Variants in DNAH14 observed in about 807,000 individuals in gnomAD.
DNAH14 encodes the protein dynein axonemal heavy chain 14.
Under a neutral mutation model 520.9 loss-of-function variants are expected in DNAH14, and 478 were observed. The ratio of observed to expected loss-of-function variants is 0.92; its 90% CI spans 0.85 to 0.99. DNAH14 has a LOEUF of 0.99. Among genes scored for constraint, DNAH14 ranks in the 50% least tolerant of loss-of-function variants. The pLI, the probability that DNAH14 is intolerant of heterozygous loss-of-function variation, is 0.00. For synonymous variants in DNAH14, 1,581 were observed against 1,757.2 expected, an observed-to-expected ratio of 0.90 and a Z score of 2.51; for missense variants, 4,831 against 5,234.5, an observed-to-expected ratio of 0.92 and a Z score of 2.38.
Position 225,117,920 on chromosome 1 carries a change from T to C in DNAH14, c.4012T>C (p.Leu1338=). 6.4e-7 allele frequency: 1 copy of C among 1,551,224 alleles called. No individual in the cohort carries two copies. The highest frequency in any genetic ancestry group is 2.4e-5 in the East Asian group (1 of 40,886). Residue 1338 remains leucine, a synonymous_variant, in exon 25 of 86, where the codon TTG becomes CTG. Coordinates refer to ENST00000682510, the MANE Select transcript of DNAH14 (RefSeq NM_001367479.1). Reference sequence around the variant, plus strand: ...ATGCTTTGAAAATATAAAACAATTATTGATATGGAAACAAGACATTGGCCC... The same window carrying C: ...ATGCTTTGAAAATATAAAACAATTACTGATATGGAAACAAGACATTGGCCC... ...VKCFENIKQL[L]IWKQDIGPPA... is the part of the protein sequence containing the mutation.
chr1:225,364,333 A>T (rs1007910314), intron 75 of DNAH14, among the ~76,000 whole-genome samples: 1 of 152,096 alleles, frequency 6.6e-6, no homozygotes, highest in Non-Finnish European at 1.5e-5. Flanking sequence ...TAACTCCACA[A>T]CTTCTTCTAA....
chr1:225,147,347 G>T, intron 31 of DNAH14, 98 bp downstream of exon 31: 1 of 1,264,432 alleles, frequency 7.9e-7, no homozygotes, highest in South Asian at 2.4e-5. Flanking sequence ...TAAGTGTTTA[G>T]GTCTTTGGGG....
chr1:225,203,342 C>A (rs984741354), intron 38 of DNAH14, among the ~76,000 whole-genome samples: 1 of 152,106 alleles, frequency 6.6e-6, no homozygotes, highest in Non-Finnish European at 1.5e-5. Flanking sequence ...TGGAAATAGC[C>A]TAGGACTTGC....
chr1:225,131,476 G>A (rs2078416002), intron 27 of DNAH14, among the ~76,000 whole-genome samples: 3 of 152,030 alleles, frequency 2.0e-5, no homozygotes, highest in Non-Finnish European at 4.4e-5. Context: ...TTCTTCAGTA[G>A]TCCTAGCTCT....
intron 27 of DNAH14, among the ~76,000 whole-genome samples, chr1:225,128,864 A>T (rs2078064859): frequency 6.7e-6 from 1 of 149,782 alleles, no homozygotes; most frequent in African/African-American, 2.5e-5. Flanking sequence ...TTAGGAAAAG[A>T]AGAAGTCAAA....
At chr1:225,130,073 C>T (rs1432236800) in intron 27 of DNAH14, among the ~76,000 whole-genome samples, 1 of 152,218 alleles carries the variant, frequency 6.6e-6, no homozygotes, top group Non-Finnish European at 1.5e-5. Context: ...AAAAAATGCT[C>T]ACCATCACTG....
intron 69 of DNAH14, among the ~76,000 whole-genome samples, chr1:225,344,280 G>A (rs748256243): frequency 3.6e-4 from 55 of 151,038 alleles, no homozygotes; most frequent in South Asian, 1.7e-3. Flanking sequence ...TGTTACATAG[G>A]TAAACTTGTG....
chr1:225,141,102 T>C, intron 28 of DNAH14, 81 bp downstream of exon 28: 1 of 1,334,814 alleles, frequency 7.5e-7, no homozygotes, highest in Non-Finnish European at 9.9e-7. Flanking sequence ...TACCTCACAC[T>C]TTGTCAAACT....
chr1:225,197,096 T>C (rs1446123419), intron 38 of DNAH14, among the ~76,000 whole-genome samples: 2 of 152,220 alleles, frequency 1.3e-5, no homozygotes, highest in East Asian at 3.8e-4. Context: ...TTTGGGTTCT[T>C]GGTCATGAAA....
intron 54 of DNAH14, among the ~76,000 whole-genome samples, chr1:225,279,325 C>G (rs1172633842): frequency 1.3e-5 from 2 of 152,080 alleles, no homozygotes; most frequent in Admixed American, 6.5e-5. Flanking sequence ...CTATGTTTGC[C>G]CAATTAAACA....
At chr1:225,255,096 C>A (rs74377875) in intron 44 of DNAH14, among the ~76,000 whole-genome samples, 1 of 152,088 alleles carries the variant, frequency 6.6e-6, no homozygotes, top group African/African-American at 2.4e-5. Flanking sequence ...ATGTGACAGA[C>A]CATGACACAG....
chr1:224,975,856 G>A (rs1159535187), intron 8 of DNAH14, among the ~76,000 whole-genome samples: 1 of 151,606 alleles, frequency 6.6e-6, no homozygotes, highest in Non-Finnish European at 1.5e-5. Flanking sequence ...TTTCTCTTGT[G>A]GGCATTTAGT....
At chr1:225,178,090 A>G (rs1285726940) in intron 36 of DNAH14, among the ~76,000 whole-genome samples, 1 of 152,188 alleles carries the variant, frequency 6.6e-6, no homozygotes, top group Non-Finnish European at 1.5e-5. Flanking sequence ...GATGTGAGAC[A>G]TGAAGTCAAA....
chr1:225,174,642 T>G (rs1313657499), intron 36 of DNAH14, among the ~76,000 whole-genome samples: 1 of 152,164 alleles, frequency 6.6e-6, no homozygotes, highest in African/African-American at 2.4e-5. Context: ...AATTTCTCCT[T>G]TCTAATTTGG....
intron 1 of DNAH14, among the ~76,000 whole-genome samples, chr1:224,935,243 C>T (rs1240446232): frequency 6.6e-6 from 1 of 151,850 alleles, no homozygotes; most frequent in Non-Finnish European, 1.5e-5. Flanking sequence ...CCTCACATGT[C>T]AGTAATAACC....
At chr1:225,116,196 A>T (rs1278147246) in intron 23 of DNAH14, among the ~76,000 whole-genome samples, 1 of 152,162 alleles carries the variant, frequency 6.6e-6, no homozygotes, top group Admixed American at 6.6e-5. Flanking sequence ...GAGAGATGAG[A>T]TTCTCCAGTC....
intron 15 of DNAH14, among the ~76,000 whole-genome samples, chr1:225,049,750 TTATC>T (rs1037516828): frequency 1.7e-4 from 25 of 148,794 alleles, no homozygotes; most frequent in African/African-American, 2.7e-4. Context: ...TGAGGTTTGT[TTATC>T]TATCTGTCTA....
chr1:225,077,759 T>G (rs925946936), intron 17 of DNAH14, among the ~76,000 whole-genome samples: 8 of 152,220 alleles, frequency 5.3e-5, no homozygotes, highest in African/African-American at 1.9e-4. Context: ...CCTCTTAATA[T>G]AAACTCTGTG....
chr1:224,986,318 T>TA (rs59261709), intron 8 of DNAH14, among the ~76,000 whole-genome samples: 5,504 of 87,548 alleles, frequency 0.063, 356 homozygotes, highest in African/African-American at 0.16. Context: ...AAAGGCTTAT[T>TA]AAAAAAAAAA....
Sources: gnomAD v4.1 joint callset for allele counts (sites outside exome capture counted in the v4.1 genomes callset) on GRCh38, gnomAD v4.1.1 for gene constraint, MANE v1.5 for transcripts, NCBI Gene and HGNC (gene_info 2026-07-23, HGNC 2026-07-21) for gene names.